The following ZNF573 variants were observed in gnomAD, a reference collection of about 807,000 sequenced individuals.
ZNF573 encodes zinc finger protein 573.
Under a neutral mutation model 57.4 loss-of-function variants are expected in ZNF573, and 41 were observed. That is an observed-to-expected ratio of 0.71 (90% CI 0.56 to 0.93). The LOEUF (loss-of-function observed/expected upper bound fraction) is 0.93. ZNF573 is among the 40% of genes least tolerant of loss of function. The probability of loss-of-function intolerance (pLI) is 0.00; values close to 1 mark genes in which losing one functional copy is unlikely to be tolerated. For synonymous variants in ZNF573, 249 were observed against 261.0 expected, an observed-to-expected ratio of 0.95 and a Z score of 0.44; for missense variants, 730 against 794.8, an observed-to-expected ratio of 0.92 and a Z score of 0.98.
At chr19:37,772,939 T>C in intron 2 of ZNF573, 1 of 985,296 alleles carries the variant, frequency 1.0e-6, no homozygotes, top group Non-Finnish European at 1.2e-6. Flanking sequence ...CTAGCCTACC[T>C]TCATATACTT....
chr19:37,766,598 A>C (rs188239938), intron 4 of ZNF573, among the ~76,000 whole-genome samples: 3 of 152,292 alleles, frequency 2.0e-5, no homozygotes, highest in Admixed American at 2.0e-4. Context: ...ACCTAATCCT[A>C]ATCAAGTCCC....
chr19:37,753,823 A>G (rs1394618583), intron 4 of ZNF573, among the ~76,000 whole-genome samples: 2 of 152,252 alleles, frequency 1.3e-5, no homozygotes, highest in Non-Finnish European at 2.9e-5. Context: ...ACTTAGTGTT[A>G]CTTAAACTCA....
Position 37,739,208 on chromosome 19 carries a change from A to G in ZNF573, c.1282T>C (p.Tyr428His). ...ECGKAFSLYGYLKQHQKIHTG... is the reference protein window; with the variant it reads ...ECGKAFSLYGHLKQHQKIHTG... ...TGAATTTTCTGATGTTGTTTAAGGT[A>G]GCCATACAAGCTAAAGGCCTTTCCG... Residue 428 changes from tyrosine (Y) to histidine (H), a missense_variant, in exon 5 of 5, where the codon TAC (tyrosine) becomes CAC (histidine). Physicochemically the swap from Tyr to His is moderately conservative, Grantham distance 83 (BLOSUM62 2). Transcript: ENST00000536220. 6.2e-7 allele frequency: 1 copy of G among 1,613,368 alleles called. No individual in the cohort carries two copies. The highest frequency in any genetic ancestry group is 8.5e-7 in the Non-Finnish European group (1 of 1,179,804).
intron 4 of ZNF573, among the ~76,000 whole-genome samples, chr19:37,744,503 C>T (rs921483271): frequency 1.9e-4 from 29 of 151,974 alleles, no homozygotes; most frequent in Admixed American, 1.5e-3. Context: ...TTTGGGAAGC[C>T]GAAGCAGGAG....
chr19:37,773,083 A>G, intron 2 of ZNF573: 2 of 585,472 alleles, frequency 3.4e-6, no homozygotes, highest in Non-Finnish European at 4.3e-6. Flanking sequence ...CTGATATAGG[A>G]TGACTCATAA....
chr19:37,767,147 A>G (rs891856478), intron 4 of ZNF573, among the ~76,000 whole-genome samples: 1 of 152,120 alleles, frequency 6.6e-6, no homozygotes, highest in Non-Finnish European at 1.5e-5. Context: ...TGACACCCAG[A>G]TATCTGTAGT....
At chr19:37,770,846 A>ATG (rs1599707846) in intron 3 of ZNF573, among the ~76,000 whole-genome samples, 599 of 54,796 alleles carry the variant, frequency 0.011, 37 homozygotes, top group Admixed American at 0.064. Flanking sequence ...ATATATATAT[A>ATG]TATATATATA....
At chr19:37,761,675 T>G (rs934044284) in intron 4 of ZNF573, among the ~76,000 whole-genome samples, 1 of 152,332 alleles carries the variant, frequency 6.6e-6, no homozygotes, top group African/African-American at 2.4e-5. Context: ...AAGAAGAACC[T>G]AGACAGACAG....
intron 1 of ZNF573, among the ~76,000 whole-genome samples, chr19:37,774,505 A>G (rs901657862): frequency 4.6e-5 from 7 of 152,146 alleles, no homozygotes; most frequent in African/African-American, 1.7e-4. Flanking sequence ...GAGAGAGAAC[A>G]CATCACAGGA....
At chr19:37,764,734 G>C (rs1418889849) in intron 4 of ZNF573, among the ~76,000 whole-genome samples, 1 of 151,248 alleles carries the variant, frequency 6.6e-6, no homozygotes, top group East Asian at 1.9e-4. Flanking sequence ...CTCCCGAGTA[G>C]CTGGGACTAC....
Position 37,770,052 on chromosome 19 carries a change from CG to C in ZNF573, c.247del (p.Arg83GlufsTer7). On this transcript the variant is annotated frameshift_variant, in exon 4 of 5. Transcript: ENST00000536220. LOFTEE classifies it high-confidence loss of function. ...SKPVVVDLLE[R>X]GKEPWMILRE... ...CAAAATCATCCAGGGCTCTTTTCCT[CG>C]CTCCAGTAAATCAACCACAACTGGT... 1 of 1,551,952 alleles carries C rather than the reference CG, an allele frequency of 6.4e-7. No individual in the cohort carries two copies. Among genetic ancestry groups the C allele is most frequent in the Non-Finnish European group, 8.7e-7 (1 of 1,147,202 alleles).
chr19:37,766,761 G>A (rs2045605160), intron 4 of ZNF573, among the ~76,000 whole-genome samples: 1 of 152,176 alleles, frequency 6.6e-6, no homozygotes, highest in Non-Finnish European at 1.5e-5. Flanking sequence ...TATGAGGGGA[G>A]CAGGAAAAGT....
At chr19:37,761,673 C>T (rs1242131403) in intron 4 of ZNF573, among the ~76,000 whole-genome samples, 1 of 152,170 alleles carries the variant, frequency 6.6e-6, no homozygotes, top group Non-Finnish European at 1.5e-5. Flanking sequence ...CCAAGAAGAA[C>T]CTAGACAGAC....
At chr19:37,743,316 T>A (rs1358753715) in intron 4 of ZNF573, among the ~76,000 whole-genome samples, 1 of 65,188 alleles carries the variant, frequency 1.5e-5, no homozygotes, top group Non-Finnish European at 3.5e-5. Context: ...TGAGAATCCA[T>A]CTCAAAAAAA....
At chr19:37,774,605 ATGCTAAG>A (rs1223115721) in intron 1 of ZNF573, among the ~76,000 whole-genome samples, 1 of 152,206 alleles carries the variant, frequency 6.6e-6, no homozygotes, top group Non-Finnish European at 1.5e-5. Flanking sequence ...AAGCTATCAG[ATGCTAAG>A]TAGGGAAACG....
intron 4 of ZNF573, among the ~76,000 whole-genome samples, chr19:37,766,736 C>T (rs999784029): frequency 1.3e-5 from 2 of 152,154 alleles, no homozygotes; most frequent in African/African-American, 4.8e-5. Context: ...AAACCATAAG[C>T]CCAGCTCTGT....
At position 37,743,191 on chromosome 19, in the gene ZNF573, G is replaced by A. The variant is rs771711281; in HGVS notation, c.296-2997C>T. On this transcript the variant is annotated intron_variant, in intron 4 of 4. Transcript: ENST00000536220. ...AAAAATTAGCCAGGCATGGTGGCAG[G>A]TGCCTGTAATCCCAGCTACTCGGGA... Among the ~76,000 whole-genome samples the A allele has an allele frequency of 2.6e-5, 4 of 151,806 alleles. No individual in the cohort carries two copies. The East Asian group carries it at 5.8e-4, about 22-fold the overall frequency.
chr19:37,758,062 A>AG (rs2045507539), intron 4 of ZNF573, among the ~76,000 whole-genome samples: 1 of 140,042 alleles, frequency 7.1e-6, no homozygotes, highest in Non-Finnish European at 1.5e-5. Flanking sequence ...GGGTGGGGGT[A>AG]GGGGGGAGGG....
chr19:37,742,688 A>G lies in ZNF573; in HGVS notation c.296-2494T>C, dbSNP rs144475503. 6.5e-3 allele frequency among the ~76,000 whole-genome samples: 984 copies of G among 152,364 alleles called. 30 individuals carry two copies. The highest frequency in any genetic ancestry group is 0.053 in the East Asian group (276 of 5,186). On this transcript the variant is annotated intron_variant, in intron 4 of 4. Transcript: ENST00000536220. ...TGTAACAATCAACTCAAGATGGATT[A>G]AAGACTTAACTGTAAAACCCAAAAC... is the stretch of plus-strand genomic sequence containing the variant.
Sources: gnomAD v4.1 joint callset for allele counts (sites outside exome capture counted in the v4.1 genomes callset) on GRCh38, gnomAD v4.1.1 for gene constraint, MANE v1.5 for transcripts, NCBI Gene and HGNC (gene_info 2026-07-23, HGNC 2026-07-21) for gene names.